Variants in HIVEP1 observed in about 807,000 individuals in gnomAD.
HIVEP1 encodes zinc finger protein 40.
In HIVEP1, 36 loss-of-function variants were observed where a neutral mutation model predicts 180.0. That is an observed-to-expected ratio of 0.20 (90% CI 0.15 to 0.26). HIVEP1 has a LOEUF of 0.26. HIVEP1 is among the 10% of genes least tolerant of loss of function. The pLI, the probability that HIVEP1 is intolerant of heterozygous loss-of-function variation, is 1.00. For synonymous variants in HIVEP1, 1,239 were observed against 1,239.0 expected, an observed-to-expected ratio of 1.00 and a Z score of 0.00; for missense variants, 3,143 against 3,268.7, an observed-to-expected ratio of 0.96 and a Z score of 0.94.
chr6:12,094,751 T>G (rs1773690541), intron 3 of HIVEP1, among the ~76,000 whole-genome samples: 1 of 152,060 alleles, frequency 6.6e-6, no homozygotes, highest in South Asian at 2.1e-4. Context: ...TTATTATGTT[T>G]TATAATTTTC....
At chr6:12,193,175 CCTGAAAGTTTTTCATT>C in the HIVEP1 span, among the ~76,000 whole-genome samples, 2 of 152,196 alleles carry the variant, frequency 1.3e-5, no homozygotes, top group African/African-American at 4.8e-5. Context: ...TTTTATTATT[CCTGAAAGTTTTTCATT>C]ATTATAATTT....
intron 2 of HIVEP1, among the ~76,000 whole-genome samples, chr6:12,075,369 T>G (rs927592075): frequency 1.3e-5 from 2 of 152,242 alleles, no homozygotes; most frequent in Non-Finnish European, 2.9e-5. Context: ...TGTGCAAACC[T>G]GACTCCTAGT....
chr6:12,094,188 G>C (rs2113357335), intron 3 of HIVEP1, among the ~76,000 whole-genome samples: 1 of 151,512 alleles, frequency 6.6e-6, no homozygotes, highest in East Asian at 1.9e-4. Context: ...ATATATTTTT[G>C]AATATTTATT....
In HIVEP1 at chr6:12,048,021, C is replaced by T. The variant is rs891350720; in HGVS notation, c.40+32353C>T. On this transcript the variant is annotated intron_variant, in intron 2 of 8. Coordinates refer to ENST00000379388, the MANE Select transcript of HIVEP1 (RefSeq NM_002114.4). The stretch of plus-strand genomic sequence containing the variant: ...ATTTGTAAGTGAGCTGTAGGCTCAA[C>T]TGTTGCTGTTCCATTTTGCAGGTAG... Among the ~76,000 whole-genome samples the T allele has an allele frequency of 2.0e-5, 3 of 152,236 alleles. 1 individual carries two copies. The highest frequency in any genetic ancestry group is 2.0e-4 in the Admixed American group (3 of 15,288).
At chr6:12,186,275 T>A in the HIVEP1 span, among the ~76,000 whole-genome samples, 1 of 150,496 alleles carries the variant, frequency 6.6e-6, no homozygotes, top group African/African-American at 2.4e-5. Context: ...AATACATATA[T>A]ACATATAATT....
chr6:12,194,523 G>A, the HIVEP1 span, among the ~76,000 whole-genome samples: 5 of 152,118 alleles, frequency 3.3e-5, no homozygotes, highest in Admixed American at 1.3e-4. Flanking sequence ...CAAACAGGCC[G>A]GACGCGGTGG....
chr6:12,097,377 C>G (rs1188011754), intron 3 of HIVEP1, among the ~76,000 whole-genome samples: 1 of 150,892 alleles, frequency 6.6e-6, no homozygotes, highest in Non-Finnish European at 1.5e-5. Context: ...CTTAAAGGAG[C>G]CCGCAAGCTT....
intron 1 of HIVEP1, among the ~76,000 whole-genome samples, chr6:12,015,268 T>C (rs908341208): frequency 3.3e-5 from 5 of 152,232 alleles, no homozygotes; most frequent in Admixed American, 2.0e-4. Flanking sequence ...CCTGGTATTG[T>C]TGTTTTAAAA....
At chr6:12,062,529 A>G (rs1024598624) in intron 2 of HIVEP1, among the ~76,000 whole-genome samples, 1 of 152,156 alleles carries the variant, frequency 6.6e-6, no homozygotes, top group Non-Finnish European at 1.5e-5. Flanking sequence ...CTTTTTTTCA[A>G]TTGCTCGTGC....
chr6:12,058,620 G>A (rs1443107009), intron 2 of HIVEP1, among the ~76,000 whole-genome samples: 1 of 152,146 alleles, frequency 6.6e-6, no homozygotes, highest in Non-Finnish European at 1.5e-5. Context: ...ACTTTACTTT[G>A]GGGTAGTAAG....
chr6:12,199,880 G>C, the HIVEP1 span, among the ~76,000 whole-genome samples: 1 of 152,180 alleles, frequency 6.6e-6, no homozygotes, highest in Admixed American at 6.5e-5. Context: ...ACCATTCCCA[G>C]GAAGCTGGGT....
At chr6:12,051,129 C>T (rs778387305) in intron 2 of HIVEP1, among the ~76,000 whole-genome samples, 2 of 150,532 alleles carry the variant, frequency 1.3e-5, no homozygotes, top group Non-Finnish European at 3.0e-5. Flanking sequence ...TGCTTGTACT[C>T]CTGGAATGGC....
chr6:12,145,154 A>G (rs1332462529), intron 7 of HIVEP1, among the ~76,000 whole-genome samples: 1 of 152,240 alleles, frequency 6.6e-6, no homozygotes, highest in Admixed American at 6.5e-5. Flanking sequence ...GATTAAGAAA[A>G]TGTGGCACAT....
chr6:12,026,750 C>T (rs190458942), intron 2 of HIVEP1, among the ~76,000 whole-genome samples: 8 of 152,240 alleles, frequency 5.3e-5, no homozygotes, highest in African/African-American at 1.7e-4. Flanking sequence ...ACCCAGGAAA[C>T]TGGTAACAGT....
At chr6:12,168,470 T>A (rs1760820196), downstream of HIVEP1, among the ~76,000 whole-genome samples, 1 of 148,652 alleles carries the variant, frequency 6.7e-6, no homozygotes, top group Admixed American at 7.0e-5. Context: ...GGAGAAAAGG[T>A]TTAAAGCAAG....
At chr6:12,162,911 G>A (rs191595688) in intron 8 of HIVEP1, among the ~76,000 whole-genome samples, 2 of 152,250 alleles carry the variant, frequency 1.3e-5, no homozygotes, top group Non-Finnish European at 2.9e-5. Context: ...AAATAAGGTG[G>A]AGCTGGTAGT....
At chr6:12,037,258 T>TGC (rs1769340239) in intron 2 of HIVEP1, among the ~76,000 whole-genome samples, 1 of 152,188 alleles carries the variant, frequency 6.6e-6, no homozygotes, top group African/African-American at 2.4e-5. Flanking sequence ...TCAGTATGTA[T>TGC]TATTTGTCTT....
intron 3 of HIVEP1, among the ~76,000 whole-genome samples, chr6:12,103,279 A>C (rs1383121167): frequency 6.6e-6 from 1 of 152,102 alleles, no homozygotes; most frequent in Non-Finnish European, 1.5e-5. Flanking sequence ...AGCTGTCTAC[A>C]TGCATTATCT....
chr6:12,164,596 T>C lies in HIVEP1; in HGVS notation c.*135T>C. 1 of 735,180 alleles carries C rather than the reference T, an allele frequency of 1.4e-6. No individual in the cohort carries two copies. Among genetic ancestry groups the C allele is most frequent in the Non-Finnish European group, 2.1e-6 (1 of 467,022 alleles). 45.5% of individuals were successfully genotyped at this position (735,180 alleles called of 1,614,324 possible). Reference sequence around the variant, plus strand: ...TGTGCAATCATGAACTTTTGACCAATAATTGTTGTTTTGTGTCAGCTCCAG... The same window carrying C: ...TGTGCAATCATGAACTTTTGACCAACAATTGTTGTTTTGTGTCAGCTCCAG... On this transcript the variant is annotated 3_prime_UTR_variant, in exon 9 of 9. Coordinates refer to ENST00000379388, the MANE Select transcript of HIVEP1 (RefSeq NM_002114.4).
Sources: gnomAD v4.1 joint callset for allele counts (sites outside exome capture counted in the v4.1 genomes callset) on GRCh38, gnomAD v4.1.1 for gene constraint, MANE v1.5 for transcripts, NCBI Gene and HGNC (gene_info 2026-07-23, HGNC 2026-07-21) for gene names.